The following NELL2 variants were observed in gnomAD, a reference collection of about 807,000 sequenced individuals.
NELL2 encodes the protein neural EGFL like 2.
Under a neutral mutation model 109.6 loss-of-function variants are expected in NELL2, and 41 were observed. That is an observed-to-expected ratio of 0.37 (90% CI 0.29 to 0.49). The LOEUF (loss-of-function observed/expected upper bound fraction) is 0.49. Ranked by LOEUF, NELL2 falls within the 20% of genes least tolerant of loss-of-function variation. NELL2 has a pLI of 0.98. For missense variants in NELL2, 900 were observed against 1,008.3 expected, an observed-to-expected ratio of 0.89 and a Z score of 1.45; for synonymous variants, 355 against 344.7, an observed-to-expected ratio of 1.03 and a Z score of -0.33.
At chr12:44,791,084 T>TATAC (rs1942375957) in intron 3 of NELL2, among the ~76,000 whole-genome samples, 3 of 12,498 alleles carry the variant, frequency 2.4e-4, no homozygotes, top group Non-Finnish European at 3.2e-4. Context: ...TATATATACA[T>TATAC]ATATATATAT....
intron 9 of NELL2, among the ~76,000 whole-genome samples, chr12:44,731,396 A>G (rs892339801): frequency 6.7e-6 from 1 of 149,518 alleles, no homozygotes; most frequent in Non-Finnish European, 1.5e-5. Context: ...ATTATACACC[A>G]TGATAAAGTG....
chr12:44,687,606 G>T (rs1256539754), intron 12 of NELL2, among the ~76,000 whole-genome samples: 1 of 152,166 alleles, frequency 6.6e-6, no homozygotes, highest in Admixed American at 6.5e-5. Flanking sequence ...TAGAGGAAGA[G>T]AAAGCAAAAG....
chr12:44,515,310 T>C (rs1941214483), intron 19 of NELL2, among the ~76,000 whole-genome samples: 1 of 151,858 alleles, frequency 6.6e-6, no homozygotes, highest in Non-Finnish European at 1.5e-5. Context: ...TGTGGCTAAA[T>C]AAATATTAGA....
At chr12:44,514,825 T>G (rs1265076472) in intron 19 of NELL2, among the ~76,000 whole-genome samples, 1 of 151,390 alleles carries the variant, frequency 6.6e-6, no homozygotes, top group East Asian at 1.9e-4. Flanking sequence ...TGAACAGAGT[T>G]GTAAAATATA....
chr12:44,615,570 T>A (rs908811999), intron 13 of NELL2, among the ~76,000 whole-genome samples: 5 of 152,308 alleles, frequency 3.3e-5, no homozygotes, highest in Non-Finnish European at 5.9e-5. Flanking sequence ...TTGATTGCTA[T>A]GTAATTGATT....
At chr12:44,521,870 C>T in intron 18 of NELL2, 130 bp downstream of exon 18, 1 of 837,566 alleles carries the variant, frequency 1.2e-6, no homozygotes, top group Middle Eastern at 2.7e-4. Flanking sequence ...TCATCCTAAC[C>T]AGGCTCACTG....
At chr12:44,670,220 C>A (rs1948089739) in intron 12 of NELL2, among the ~76,000 whole-genome samples, 1 of 151,956 alleles carries the variant, frequency 6.6e-6, no homozygotes, top group Non-Finnish European at 1.5e-5. Context: ...ATCGTTATAC[C>A]AGCCCTACAA....
intron 13 of NELL2, 143 bp downstream of exon 13, chr12:44,665,341 A>G: frequency 1.6e-6 from 1 of 643,174 alleles, no homozygotes; most frequent in Non-Finnish European, 2.4e-6. Flanking sequence ...ATTAAGAAAT[A>G]ACTACCAAAT....
At chr12:44,525,546 A>C (rs953103673) in intron 16 of NELL2, among the ~76,000 whole-genome samples, 6 of 152,220 alleles carry the variant, frequency 3.9e-5, no homozygotes, top group African/African-American at 1.4e-4. Context: ...CTGGTGGTAT[A>C]GAATTTTGGA....
intron 15 of NELL2, among the ~76,000 whole-genome samples, chr12:44,586,111 A>T (rs2136217578): frequency 6.6e-6 from 1 of 151,526 alleles, no homozygotes; most frequent in African/African-American, 2.4e-5. Context: ...CTCATTCTTG[A>T]GAAGATAGCA....
intron 12 of NELL2, among the ~76,000 whole-genome samples, chr12:44,694,580 CCTGA>C (rs1201995239): frequency 1.3e-5 from 2 of 149,816 alleles, no homozygotes; most frequent in African/African-American, 2.4e-5. Flanking sequence ...TCTGGAGAAC[CCTGA>C]CTAATACAGT....
chr12:44,704,459 T>G (rs1937742571), intron 11 of NELL2, among the ~76,000 whole-genome samples: 1 of 152,150 alleles, frequency 6.6e-6, no homozygotes, highest in Non-Finnish European at 1.5e-5. Context: ...ATTTCACAGA[T>G]CTCAGAGTCT....
At chr12:44,802,829 T>C (rs1448890228) in intron 3 of NELL2, among the ~76,000 whole-genome samples, 1 of 152,024 alleles carries the variant, frequency 6.6e-6, no homozygotes, top group Non-Finnish European at 1.5e-5. Flanking sequence ...TTTATCCATG[T>C]CACTAAGAAG....
intron 9 of NELL2, among the ~76,000 whole-genome samples, chr12:44,759,642 T>C (rs1941039708): frequency 1.3e-5 from 2 of 152,202 alleles, no homozygotes; most frequent in African/African-American, 4.8e-5. Context: ...AGCTATTAAA[T>C]TCTGGGATGT....
At chr12:44,635,749 A>G (rs1946615768) in intron 13 of NELL2, among the ~76,000 whole-genome samples, 2 of 151,982 alleles carry the variant, frequency 1.3e-5, no homozygotes, top group African/African-American at 4.8e-5. Context: ...TTTGCTTAGG[A>G]TTGTCTTGGC....
At chr12:44,614,710 T>C (rs1422843803) in intron 13 of NELL2, among the ~76,000 whole-genome samples, 1 of 152,090 alleles carries the variant, frequency 6.6e-6, no homozygotes, top group African/African-American at 2.4e-5. Flanking sequence ...TCAGTCATAA[T>C]AACATGGACT....
chr12:44,855,207 C>T (rs1296335667), intron 2 of NELL2, among the ~76,000 whole-genome samples: 1 of 152,106 alleles, frequency 6.6e-6, no homozygotes, highest in Non-Finnish European at 1.5e-5. Flanking sequence ...TATTGGAGAG[C>T]TCAGTTTGAG....
intron 2 of NELL2, among the ~76,000 whole-genome samples, chr12:44,837,865 C>A (rs1180930230): frequency 6.6e-6 from 1 of 152,278 alleles, no homozygotes; most frequent in East Asian, 1.9e-4. Flanking sequence ...TACATTAAAT[C>A]AATTCTGATT....
chr12:44,913,881 T>G, exon 1 of NELL2: 3 of 608,110 alleles, frequency 4.9e-6, no homozygotes, highest in Non-Finnish European at 8.0e-6. Context: ...ACTTTTAGAT[T>G]GAATAAAGCA....
Sources: allele counts gnomAD v4.1 joint callset (sites outside exome capture counted in the v4.1 genomes callset), GRCh38; gene constraint gnomAD v4.1.1; transcripts MANE v1.5; gene names NCBI Gene and HGNC (gene_info 2026-07-23, HGNC 2026-07-21).